The following PDCD5 variants were observed in gnomAD, a reference collection of about 807,000 sequenced individuals.
The protein encoded by PDCD5 is programmed cell death 5, also known as programmed cell death protein 5.
Under a neutral mutation model 21.9 loss-of-function variants are expected in PDCD5, and 23 were observed. The ratio of observed to expected loss-of-function variants is 1.05; its 90% confidence interval spans 0.76 to 1.49. PDCD5 has a LOEUF of 1.49. Among genes scored for constraint, PDCD5 ranks in the 40% most tolerant of loss-of-function variants. The pLI is 0.00. For missense variants in PDCD5, 152 were observed against 147.7 expected, an observed-to-expected ratio of 1.03 and a Z score of -0.15; for synonymous variants, 45 against 49.4, an observed-to-expected ratio of 0.91 and a Z score of 0.37.
At chr19:32,584,194 A>G (rs566921304) in intron 2 of PDCD5, among the ~76,000 whole-genome samples, 337 of 152,278 alleles carry the variant, frequency 2.2e-3, no homozygotes, top group African/African-American at 7.8e-3. Flanking sequence ...GAAGTGGCCT[A>G]TGGAAATGAG....
Position 32,585,864 on chromosome 19 carries a change from A to T in PDCD5, c.215A>T (p.Asn72Ile). The change falls in exon 4 of 6, where the codon AAT (asparagine) becomes ATT (isoleucine). Residue 72 changes from asparagine (N) to isoleucine (I), a missense_variant. Transcript: ENST00000590247. ...VKPEKTKAVENYLIQMARYGQ... is the reference protein window; with the variant it reads ...VKPEKTKAVEIYLIQMARYGQ... ...CCTGAAAAAACTAAAGCAGTAGAGA[A>T]TTACCTTATACAGATGGCAAGATAT... 6.2e-7 allele frequency: 1 copy of T among 1,612,046 alleles called. No individual in the cohort carries two copies. Among genetic ancestry groups the T allele is most frequent in the Middle Eastern group, 1.7e-4 (1 of 6,058 alleles).
Position 32,587,416 on chromosome 19 carries a change from C to A in PDCD5, c.*116C>A. Reference sequence around the variant, plus strand: ...CTTTTAAAAAAATAAACTTGTTATGCAAAATAAAACATTTGGGTAAGTTGT... The same window carrying A: ...CTTTTAAAAAAATAAACTTGTTATGAAAAATAAAACATTTGGGTAAGTTGT... On this transcript the variant is annotated 3_prime_UTR_variant, in exon 6 of 6. Coordinates refer to ENST00000590247, the MANE Select transcript of PDCD5 (RefSeq NM_004708.4). The A allele has an allele frequency of 1.6e-6, 1 of 627,892 alleles. No individual in the cohort carries two copies. Among genetic ancestry groups the A allele is most frequent in the Non-Finnish European group, 2.6e-6 (1 of 379,230 alleles). The allele number at this position is 627,892 out of a possible 1,614,324, so 38.9% of individuals were successfully genotyped here.
In PDCD5 at chr19:32,585,125, G is replaced by A. The variant is rs1279903684; in HGVS notation, c.166+114G>A. ...ATATTTGCTTAGGCTGAAAACACTT[G>A]AGATGTGTAAGAAGTGTGAAGTTTA... is the stretch of plus-strand genomic sequence containing the variant. On this transcript the variant is annotated intron_variant, in intron 3 of 5. Coordinates refer to ENST00000590247, the MANE Select transcript of PDCD5 (RefSeq NM_004708.4). 4 of 805,766 alleles carry A rather than the reference G, an allele frequency of 5.0e-6. No individual in the cohort carries two copies. The Admixed American group carries it at 7.4e-5, about 15-fold the overall frequency. 49.9% of individuals were successfully genotyped at this position (805,766 alleles called of 1,614,324 possible).
At chr19:32,582,099 C>T in intron 1 of PDCD5, 96 bp from the exon 2 acceptor site, 1 of 820,612 alleles carries the variant, frequency 1.2e-6, no homozygotes, top group Non-Finnish European at 2.0e-6. Context: ...TCTACCACCG[C>T]AAGAGACTGT....
intron 3 of PDCD5, 141 bp from the exon 4 acceptor site, chr19:32,585,675 G>A: frequency 1.6e-6 from 1 of 616,508 alleles, no homozygotes; most frequent in Non-Finnish European, 2.9e-6. Context: ...TCATTTTTAA[G>A]AGGAGTAACA....
intron 3 of PDCD5, 123 bp downstream of exon 3, chr19:32,585,134 A>G (rs1218374307): frequency 1.3e-6 from 1 of 748,848 alleles, no homozygotes; most frequent in Non-Finnish European, 2.4e-6. Flanking sequence ...TGAGATGTGT[A>G]AGAAGTGTGA....
At position 32,587,247 on chromosome 19, in the gene PDCD5, T is replaced by G. The variant is rs765007756; in HGVS notation, c.331-6T>G. 2 of 1,591,786 alleles carry G rather than the reference T, an allele frequency of 1.3e-6. No individual in the cohort carries two copies. The highest frequency in any genetic ancestry group is 1.7e-6 in the Non-Finnish European group (2 of 1,161,608). ...TGTTCTGACACTCATTTAATTTTCC[T>G]CCCAGTTCAACAGAAGAAAAGTAAT... On this transcript the variant is annotated splice_region_variant and splice_polypyrimidine_tract_variant and intron_variant, in intron 5 of 5. Transcript: ENST00000590247.
chr19:32,583,584 C>T (rs1971449893), intron 2 of PDCD5, among the ~76,000 whole-genome samples: 1 of 151,604 alleles, frequency 6.6e-6, no homozygotes, highest in South Asian at 2.1e-4. Context: ...TTAGACCTCT[C>T]ATTTTAGGGT....
At chr19:32,586,995 A>G in intron 5 of PDCD5, 66 bp downstream of exon 5, 9 of 1,257,116 alleles carry the variant, frequency 7.2e-6, no homozygotes, top group Non-Finnish European at 1.0e-5. Flanking sequence ...TGTTGAGTAT[A>G]CATCTACCAC....
intron 4 of PDCD5, 109 bp downstream of exon 4, chr19:32,586,016 A>G (rs1164283016): frequency 1.9e-6 from 3 of 1,605,046 alleles, no homozygotes; most frequent in South Asian, 2.2e-5. Context: ...GCTGACTCTC[A>G]GAAGAAATTG....
rs1407784696 is a variant in PDCD5 at position 32,581,315 on chromosome 19, G to A, written c.54G>A (p.Gln18=). The change falls in exon 1 of 6, where the codon CAG becomes CAA. Residue 18 remains glutamine (Q), a synonymous_variant. Coordinates refer to ENST00000590247, the MANE Select transcript of PDCD5 (RefSeq NM_004708.4). ...ALRRQRLAEL[Q]AKHGDPGDAA... ...GGAGACAGAGGCTGGCCGAGCTGCA[G>A]GCCAAACACGGGGTGAGCGCATCAG... 7.9e-6 allele frequency: 12 copies of A among 1,521,262 alleles called. No homozygotes were observed. Among genetic ancestry groups the A allele is most frequent in the Non-Finnish European group, 1.1e-5 (12 of 1,138,556 alleles). The allele number at this position is 1,521,262 out of a possible 1,614,324, so 94.2% of individuals were successfully genotyped here.
Position 32,582,121 on chromosome 19 carries a change from A to G in PDCD5, c.67-74A>G, listed in dbSNP as rs570145629. On this transcript the variant is annotated intron_variant, in intron 1 of 5. Transcript: ENST00000590247. Reference sequence around the variant, plus strand: ...CCGCAAGAGACTGTTATGTATAGGAAACAACAGAACCGTTCCTTTTTCCCG... The same window carrying G: ...CCGCAAGAGACTGTTATGTATAGGAGACAACAGAACCGTTCCTTTTTCCCG... The G allele has an allele frequency of 7.7e-6, 8 of 1,036,904 alleles. No individual in the cohort carries two copies. The South Asian group carries it at 1.1e-4, about 14-fold the overall frequency. 64.2% of individuals were successfully genotyped at this position (1,036,904 alleles called of 1,614,324 possible).
chr19:32,585,068 AT>A, intron 3 of PDCD5, 57 bp downstream of exon 3: 1 of 1,120,764 alleles, frequency 8.9e-7, no homozygotes, highest in Non-Finnish European at 1.4e-6. Context: ...GAATGGGGTG[AT>A]TAGATACCAT....
intron 1 of PDCD5, 37 bp from the exon 2 acceptor site, chr19:32,582,158 G>T: frequency 6.4e-7 from 1 of 1,551,646 alleles, no homozygotes; most frequent in Middle Eastern, 1.7e-4. Flanking sequence ...CGCCTCCCGT[G>T]AAATTTCTCT....
chr19:32,586,814 G>T (rs946354593), intron 4 of PDCD5, 44 bp from the exon 5 acceptor site: 52 of 1,585,558 alleles, frequency 3.3e-5, no homozygotes, highest in Non-Finnish European at 4.4e-5. Context: ...TAAATTCTTT[G>T]TTTAAAAAAG....
At chr19:32,587,054 G>GT (rs1427220828) in intron 5 of PDCD5, 125 bp downstream of exon 5, 1 of 957,066 alleles carries the variant, frequency 1.0e-6, no homozygotes, top group Non-Finnish European at 1.6e-6. Context: ...ACACGTGAAA[G>GT]TTTGGGGAGA....
chr19:32,586,012 T>C, intron 4 of PDCD5, 105 bp downstream of exon 4: 1 of 1,606,898 alleles, frequency 6.2e-7, no homozygotes, highest in Non-Finnish European at 8.5e-7. Flanking sequence ...TCTTGCTGAC[T>C]CTCAGAAGAA....
chr19:32,586,310 G>A, intron 4 of PDCD5: 1 of 1,343,906 alleles, frequency 7.4e-7, no homozygotes, highest in Non-Finnish European at 9.6e-7. Context: ...TGAGGGGTAT[G>A]TTGTGGCAAA....
chr19:32,584,423 G>A (rs1211434074), intron 2 of PDCD5, among the ~76,000 whole-genome samples: 1 of 152,242 alleles, frequency 6.6e-6, no homozygotes, highest in Non-Finnish European at 1.5e-5. Flanking sequence ...AGGAAGAAGT[G>A]AGGATAGTTG....
Sources: allele counts gnomAD v4.1 joint callset (sites outside exome capture counted in the v4.1 genomes callset), GRCh38; gene constraint gnomAD v4.1.1; transcripts MANE v1.5; gene names NCBI Gene and HGNC (gene_info 2026-07-23, HGNC 2026-07-21).